Variants in SEMA6D observed in about 807,000 individuals in gnomAD.
The protein encoded by SEMA6D is semaphorin 6D.
In SEMA6D, 35 loss-of-function variants were observed where a neutral mutation model predicts 106.6. The ratio of observed to expected loss-of-function variants is 0.33; its 90% confidence interval spans 0.25 to 0.44. The LOEUF is 0.44. SEMA6D is among the 20% of genes least tolerant of loss of function. The pLI is 1.00. For synonymous variants in SEMA6D, 499 were observed against 487.7 expected, an observed-to-expected ratio of 1.02 and a Z score of -0.31; for missense variants, 1,185 against 1,345.9, an observed-to-expected ratio of 0.88 and a Z score of 1.87.
intron 3 of SEMA6D, among the ~76,000 whole-genome samples, chr15:47,588,208 T>C (rs2143009807): frequency 6.6e-6 from 1 of 152,310 alleles, no homozygotes; most frequent in Non-Finnish European, 1.5e-5. Context: ...CAGTCATGTC[T>C]GTCCTCTCAC....
chr15:47,407,395 A>C (rs1337967667), intron 1 of SEMA6D, among the ~76,000 whole-genome samples: 1 of 139,228 alleles, frequency 7.2e-6, no homozygotes, highest in African/African-American at 2.6e-5. Context: ...AAACCAAAAC[A>C]ACAACAACAA....
chr15:47,601,997 A>T (rs1374580219), intron 4 of SEMA6D, among the ~76,000 whole-genome samples: 1 of 152,220 alleles, frequency 6.6e-6, no homozygotes, highest in African/African-American at 2.4e-5. Context: ...AAATAATAAT[A>T]AAATACCAGA....
chr15:47,619,974 A>G (rs987368948), intron 4 of SEMA6D, among the ~76,000 whole-genome samples: 3 of 152,136 alleles, frequency 2.0e-5, no homozygotes, highest in Non-Finnish European at 4.4e-5. Flanking sequence ...TTCACATTAC[A>G]TCTGCTGTTC....
chr15:47,429,242 C>T (rs2041446599), intron 2 of SEMA6D, among the ~76,000 whole-genome samples: 1 of 152,070 alleles, frequency 6.6e-6, no homozygotes, highest in Non-Finnish European at 1.5e-5. Context: ...CCTGGCTCTG[C>T]TGCTTACTAC....
At chr15:47,247,392 T>C (rs981872363) in intron 1 of SEMA6D, among the ~76,000 whole-genome samples, 1 of 152,008 alleles carries the variant, frequency 6.6e-6, no homozygotes, top group African/African-American at 2.4e-5. Flanking sequence ...AATGAACATA[T>C]GAAATTTGCA....
At chr15:47,549,027 A>C (rs1047687773) in intron 3 of SEMA6D, among the ~76,000 whole-genome samples, 2 of 152,122 alleles carry the variant, frequency 1.3e-5, no homozygotes, top group African/African-American at 4.8e-5. Context: ...ACATTGCTGA[A>C]GACCATTACA....
intron 3 of SEMA6D, among the ~76,000 whole-genome samples, chr15:47,567,201 T>G (rs1480968490): frequency 3.3e-5 from 5 of 152,214 alleles, no homozygotes; most frequent in African/African-American, 7.2e-5. Context: ...ATATTTGGTC[T>G]GCATTCTCCA....
chr15:47,755,952 A>G (rs2081703248), intron 1 of SEMA6D, among the ~76,000 whole-genome samples: 1 of 151,950 alleles, frequency 6.6e-6, no homozygotes, highest in Non-Finnish European at 1.5e-5. Context: ...ACTAAGCTCC[A>G]TGTACCTCCC....
chr15:47,725,227 A>C (rs1300003750), intron 1 of SEMA6D, among the ~76,000 whole-genome samples: 1 of 152,210 alleles, frequency 6.6e-6, no homozygotes, highest in African/African-American at 2.4e-5. Context: ...GCTATAGTGC[A>C]TGCTCATCAC....
chr15:47,768,679 C>A lies in SEMA6D; in HGVS notation c.1864C>A (p.Arg622=). ...CTGGAGACCTAAACTGACAAGCTCT[C>A]GGAAATTTGTAGTTCAAGATGATCC... ...DTWRPKLTSS[R]KFVVQDDPNT... Residue 622 remains arginine (R), a synonymous_variant, in exon 18 of 19, where the codon CGG becomes AGG. Transcript: ENST00000536845. 4.3e-6 allele frequency: 7 copies of A among 1,613,662 alleles called. No individual in the cohort carries two copies. Among genetic ancestry groups the A allele is most frequent in the Non-Finnish European group, 5.9e-6 (7 of 1,179,682 alleles).
intron 1 of SEMA6D, among the ~76,000 whole-genome samples, chr15:47,410,526 G>C (rs1172332188): frequency 1.3e-5 from 2 of 152,098 alleles, no homozygotes; most frequent in African/African-American, 2.4e-5. Flanking sequence ...CTCCTCATTT[G>C]TCGACCATAG....
At chr15:47,385,935 T>C (rs7166534) in intron 1 of SEMA6D, among the ~76,000 whole-genome samples, 33,394 of 152,114 alleles carry the variant, frequency 0.22, 3,933 homozygotes, top group Middle Eastern at 0.33. Context: ...CAAAATAAGT[T>C]TTAACACTAA....
At chr15:47,588,346 C>G (rs1359667229) in intron 3 of SEMA6D, among the ~76,000 whole-genome samples, 1 of 152,128 alleles carries the variant, frequency 6.6e-6, no homozygotes, top group Admixed American at 6.5e-5. Context: ...CTGTTCTGCC[C>G]CTATCTTTTA....
chr15:47,187,638 C>A (rs1037155821), intron 1 of SEMA6D, among the ~76,000 whole-genome samples: 4 of 152,086 alleles, frequency 2.6e-5, no homozygotes, highest in Non-Finnish European at 4.4e-5. Flanking sequence ...ATCATTCATG[C>A]CCTTGCTGAG....
At chr15:47,691,127 T>C (rs549513983) in intron 4 of SEMA6D, among the ~76,000 whole-genome samples, 3 of 152,318 alleles carry the variant, frequency 2.0e-5, no homozygotes, top group African/African-American at 4.8e-5. Flanking sequence ...GTACTTGATA[T>C]CAATGTTTTA....
intron 4 of SEMA6D, among the ~76,000 whole-genome samples, chr15:47,657,467 A>G (rs528585837): frequency 3.3e-5 from 5 of 152,088 alleles, no homozygotes; most frequent in African/African-American, 9.6e-5. Flanking sequence ...ATTTTCTTCC[A>G]TTTTAACTTT....
intron 1 of SEMA6D, among the ~76,000 whole-genome samples, chr15:47,744,655 C>G (rs963890318): frequency 6.6e-6 from 1 of 152,044 alleles, no homozygotes; most frequent in African/African-American, 2.4e-5. Flanking sequence ...AGGCTCGGTC[C>G]CTGTTCAAGG....
In SEMA6D at chr15:47,694,367, C is replaced by G. The variant is rs190239962; in HGVS notation, c.-54-65378C>G. Reference sequence around the variant, plus strand: ...ATATTTAATATAGAAATTCATTGGTCTACCTCAGTCAGGTACATGACACCT... The same window carrying G: ...ATATTTAATATAGAAATTCATTGGTGTACCTCAGTCAGGTACATGACACCT... On this transcript the variant is annotated intron_variant, in intron 4 of 19. Coordinates refer to the SEMA6D transcript ENST00000558014. Among the ~76,000 whole-genome samples, 3 of 152,230 alleles carry G rather than the reference C, an allele frequency of 2.0e-5. No homozygotes were observed. In the East Asian group the frequency reaches 5.8e-4, roughly 30 times the overall value.
intron 1 of SEMA6D, among the ~76,000 whole-genome samples, chr15:47,363,359 A>G (rs542852636): frequency 1.3e-5 from 2 of 152,324 alleles, no homozygotes; most frequent in South Asian, 4.1e-4. Flanking sequence ...AGCAGACCTT[A>G]GGTGTGGCGG....
Sources: gnomAD v4.1 joint callset for allele counts (sites outside exome capture counted in the v4.1 genomes callset) on GRCh38, gnomAD v4.1.1 for gene constraint, MANE v1.5 for transcripts, NCBI Gene and HGNC (gene_info 2026-07-23, HGNC 2026-07-21) for gene names.